Variants in WDR70 observed in about 807,000 individuals in gnomAD.
WDR70 encodes WD repeat domain 70, also known as WD repeat-containing protein 70.
A neutral mutation model predicts 88.6 loss-of-function variants in WDR70; 53 were observed. The ratio of observed to expected loss-of-function variants is 0.60; its 90% confidence interval spans 0.48 to 0.75. WDR70 has a LOEUF of 0.75. WDR70 is among the 30% of genes least tolerant of loss of function. The probability of loss-of-function intolerance (pLI) is 0.00; values close to 1 mark genes in which losing one functional copy is unlikely to be tolerated. For synonymous variants in WDR70, 280 were observed against 270.0 expected, an observed-to-expected ratio of 1.04 and a Z score of -0.36; for missense variants, 610 against 823.2, an observed-to-expected ratio of 0.74 and a Z score of 3.17.
intron 9 of WDR70, among the ~76,000 whole-genome samples, chr5:37,541,889 A>C (rs1241373500): frequency 6.6e-6 from 1 of 152,256 alleles, no homozygotes; most frequent in Admixed American, 6.5e-5. Flanking sequence ...GAGGAAAGTT[A>C]GGCTGAACAT....
At chr5:37,580,463 G>A (rs1443863300) in intron 9 of WDR70, among the ~76,000 whole-genome samples, 1 of 152,152 alleles carries the variant, frequency 6.6e-6, no homozygotes, top group African/African-American at 2.4e-5. Context: ...TTTTTCCCAG[G>A]AATAGATGCA....
chr5:37,749,675 T>A (rs1346329427), intron 17 of WDR70, among the ~76,000 whole-genome samples: 1 of 152,194 alleles, frequency 6.6e-6, no homozygotes, highest in Non-Finnish European at 1.5e-5. Context: ...CTATGATGTT[T>A]AACTGTCTTA....
intron 10 of WDR70, among the ~76,000 whole-genome samples, chr5:37,616,181 A>T (rs141363460): frequency 6.6e-6 from 1 of 152,078 alleles, no homozygotes; most frequent in South Asian, 2.1e-4. Flanking sequence ...CAGTGGTGCA[A>T]TCTTGGCTTA....
intron 8 of WDR70, among the ~76,000 whole-genome samples, chr5:37,494,830 A>C (rs1298509634): frequency 6.6e-6 from 1 of 152,234 alleles, no homozygotes; most frequent in Admixed American, 6.5e-5. Context: ...TGGATATTAA[A>C]ATTACTCAGG....
At chr5:37,551,580 TTAGC>T (rs1221494083) in intron 9 of WDR70, among the ~76,000 whole-genome samples, 1 of 151,188 alleles carries the variant, frequency 6.6e-6, no homozygotes, top group Admixed American at 6.6e-5. Flanking sequence ...ATACAAAAAA[TTAGC>T]TGGGTGTGGT....
At chr5:37,610,441 A>T (rs1744159684) in intron 10 of WDR70, among the ~76,000 whole-genome samples, 1 of 152,042 alleles carries the variant, frequency 6.6e-6, no homozygotes, top group South Asian at 2.1e-4. Flanking sequence ...TTTCAAAAAA[A>T]AAAGTTGGTT....
At chr5:37,631,637 T>C (rs1158550742) in intron 10 of WDR70, among the ~76,000 whole-genome samples, 2 of 152,174 alleles carry the variant, frequency 1.3e-5, no homozygotes, top group Admixed American at 1.3e-4. Flanking sequence ...GGCAGGTAGA[T>C]CTGGGATTTG....
intron 10 of WDR70, among the ~76,000 whole-genome samples, chr5:37,690,297 T>C (rs1390012867): frequency 1.3e-5 from 2 of 152,024 alleles, no homozygotes; most frequent in Non-Finnish European, 2.9e-5. Flanking sequence ...TTCAGGATAT[T>C]ATCCAGAACT....
At chr5:37,415,980 TC>T (rs1269302878) in intron 5 of WDR70, among the ~76,000 whole-genome samples, 1 of 147,636 alleles carries the variant, frequency 6.8e-6, no homozygotes, top group Non-Finnish European at 1.5e-5. Flanking sequence ...GCTTCTCACT[TC>T]CTGGATGGGA....
chr5:37,587,778 C>CTTTTTTTTTTTTTTTTTTTTTTTT (rs55980790), intron 9 of WDR70, among the ~76,000 whole-genome samples: 1 of 122,760 alleles, frequency 8.1e-6, no homozygotes, highest in Non-Finnish European at 1.7e-5. Context: ...AAGCCCTATT[C>CTTTTTTTTTTTTTTTTTTTTTTTT]TTTTTTTTTT....
At chr5:37,536,951 A>G (rs517694) in intron 9 of WDR70, among the ~76,000 whole-genome samples, 112,285 of 151,954 alleles carry the variant, frequency 0.74, 42,085 homozygotes, top group African/African-American at 0.87. Context: ...CTCATTTTCT[A>G]TTATCTGGCC....
chr5:37,584,474 AG>A (rs1743308954), intron 9 of WDR70, among the ~76,000 whole-genome samples: 1 of 152,220 alleles, frequency 6.6e-6, no homozygotes. Context: ...ATTTTCAGTC[AG>A]GAAAAATCAT....
At chr5:37,726,861 G>T in intron 16 of WDR70, 22 bp from the exon 17 acceptor site, 2 of 1,572,206 alleles carry the variant, frequency 1.3e-6, no homozygotes, top group African/African-American at 1.4e-5. Context: ...TTTCTAATTT[G>T]GTTTTTTTTC....
chr5:37,750,688 C>CA (rs55700235), intron 17 of WDR70, among the ~76,000 whole-genome samples: 120,415 of 152,120 alleles, frequency 0.79, 52,706 homozygotes, highest in East Asian at 1. Context: ...GATGGTTTTA[C>CA]AAAGGACAGT....
At chr5:37,524,598 A>G (rs1359117066) in intron 9 of WDR70, among the ~76,000 whole-genome samples, 1 of 152,234 alleles carries the variant, frequency 6.6e-6, no homozygotes, top group African/African-American at 2.4e-5. Context: ...ACCAGCTAAC[A>G]TCATAATGAC....
chr5:37,684,337 A>C (rs965943406), intron 10 of WDR70, among the ~76,000 whole-genome samples: 3 of 152,192 alleles, frequency 2.0e-5, no homozygotes, highest in African/African-American at 7.2e-5. Context: ...CTTGCTGGAA[A>C]GATAGTTCAG....
intron 5 of WDR70, among the ~76,000 whole-genome samples, chr5:37,426,994 T>C (rs991769315): frequency 6.6e-6 from 1 of 152,164 alleles, no homozygotes; most frequent in Non-Finnish European, 1.5e-5. Context: ...CAGGTTGGTC[T>C]CAAACTCATG....
intron 8 of WDR70, among the ~76,000 whole-genome samples, chr5:37,495,639 T>C (rs1740194828): frequency 6.6e-6 from 1 of 152,178 alleles, no homozygotes; most frequent in South Asian, 2.1e-4. Context: ...GGAAGAGATA[T>C]TTTTCAGGAG....
At chr5:37,508,692 T>G (rs1158685284) in intron 8 of WDR70, among the ~76,000 whole-genome samples, 1 of 152,230 alleles carries the variant, frequency 6.6e-6, no homozygotes, top group African/African-American at 2.4e-5. Context: ...AGTTTAATAT[T>G]TTTTCAAAGA....
Sources: allele counts gnomAD v4.1 joint callset (sites outside exome capture counted in the v4.1 genomes callset), GRCh38; gene constraint gnomAD v4.1.1; transcripts MANE v1.5; gene names NCBI Gene and HGNC (gene_info 2026-07-23, HGNC 2026-07-21).